Variants in ITPR1 observed in about 807,000 individuals in gnomAD.
The protein encoded by ITPR1 is inositol 1,4,5-trisphosphate-gated calcium channel ITPR1.
ITPR1 carries 96 observed loss-of-function variants against 318.4 expected under a neutral mutation model. That is an observed-to-expected ratio of 0.30 (90% CI 0.26 to 0.36). ITPR1 has a LOEUF of 0.36. ITPR1 is among the 10% of genes least tolerant of loss of function. ITPR1 has a pLI of 1.00. For missense variants in ITPR1, 2,440 were observed against 3,460.2 expected, an observed-to-expected ratio of 0.71 and a Z score of 7.40; for synonymous variants, 1,312 against 1,289.9, an observed-to-expected ratio of 1.02 and a Z score of -0.37.
At chr3:4,537,708 TGCAAAAGTCAAGAAA>T (rs2084010330) in intron 4 of ITPR1, among the ~76,000 whole-genome samples, 2 of 149,636 alleles carry the variant, frequency 1.3e-5, no homozygotes, top group African/African-American at 5.0e-5. Flanking sequence ...TGCAGGAAGC[TGCAAAAGTCAAGAAA>T]ATTGATTCTC....
At chr3:4,698,273 A>T (rs892403841) in intron 34 of ITPR1, among the ~76,000 whole-genome samples, 6 of 136,446 alleles carry the variant, frequency 4.4e-5, no homozygotes, top group Non-Finnish European at 7.7e-5. Flanking sequence ...TTTCTGCTTG[A>T]CTGTATGATT....
At chr3:4,640,991 T>A (rs2093325005) in intron 6 of ITPR1, among the ~76,000 whole-genome samples, 1 of 152,184 alleles carries the variant, frequency 6.6e-6, no homozygotes, top group Non-Finnish European at 1.5e-5. Flanking sequence ...GGCTTATGGA[T>A]CAGACAGGTT....
At chr3:4,730,735 T>A (rs2042871704) in intron 42 of ITPR1, among the ~76,000 whole-genome samples, 2 of 152,124 alleles carry the variant, frequency 1.3e-5, no homozygotes, top group South Asian at 4.1e-4. Context: ...TCTAAGCAAG[T>A]CACTCTAGCT....
At chr3:4,601,030 C>G (rs1000665583) in intron 4 of ITPR1, among the ~76,000 whole-genome samples, 12 of 151,820 alleles carry the variant, frequency 7.9e-5, no homozygotes, top group African/African-American at 2.7e-4. Flanking sequence ...GAATTCTGTT[C>G]TTCTTTTGTT....
intron 2 of ITPR1, among the ~76,000 whole-genome samples, chr3:4,509,232 G>C (rs1397556052): frequency 6.6e-6 from 1 of 152,128 alleles, no homozygotes; most frequent in Non-Finnish European, 1.5e-5. Flanking sequence ...ACACACAGCT[G>C]GTAATTTATG....
At chr3:4,705,528 G>C (rs936880553) in intron 36 of ITPR1, among the ~76,000 whole-genome samples, 1 of 152,148 alleles carries the variant, frequency 6.6e-6, no homozygotes, top group African/African-American at 2.4e-5. Context: ...GTCTCTTCTG[G>C]TCTGTGACCA....
At position 4,652,253 on chromosome 3, in the gene ITPR1, G is replaced by C. The variant is rs6442895; in HGVS notation, c.951+35G>C. Reference sequence around the variant, plus strand: ...AGCTCCTGTGGTTTTCTCTTTCAAGGCTGACGCACCTCACCGCCTTTCCTC... The same window carrying C: ...AGCTCCTGTGGTTTTCTCTTTCAAGCCTGACGCACCTCACCGCCTTTCCTC... On this transcript the variant is annotated intron_variant, in intron 11 of 61. Transcript: ENST00000649015. 1,263,344 of 1,498,604 alleles carry C rather than the reference G, an allele frequency of 0.84. 536,647 individuals carry two copies. Among genetic ancestry groups the C allele is most frequent in the East Asian group, 1 (43,409 of 43,426 alleles). The allele number at this position is 1,498,604 out of a possible 1,614,324, so 92.8% of individuals were successfully genotyped here.
intron 4 of ITPR1, among the ~76,000 whole-genome samples, chr3:4,545,653 C>A (rs1394137951): frequency 7.0e-6 from 1 of 142,046 alleles, no homozygotes. Context: ...GCTTTGGAAG[C>A]ATCTTTTTTT....
At chr3:4,527,224 T>A (rs2083055889) in intron 4 of ITPR1, among the ~76,000 whole-genome samples, 1 of 152,222 alleles carries the variant, frequency 6.6e-6, no homozygotes, top group Non-Finnish European at 1.5e-5. Context: ...TTGCCCAGGC[T>A]GGATTGCAAT....
rs1364838013 is a variant in ITPR1, at chr3:4,642,224, C to G, written c.498C>G (p.Phe166Leu). ...GGTCCTGGTTTTATATTCAGCCATTCTACAAGCTGCGATCCATTGGAGACA... is the reference window on the plus strand; with the variant it reads ...GGTCCTGGTTTTATATTCAGCCATTGTACAAGCTGCGATCCATTGGAGACA... ...NEGSWFYIQP[F>L]YKLRSIGDSV... Residue 166 changes from phenylalanine (F) to leucine (L), a missense_variant, in exon 7 of 62, where the codon TTC becomes TTG. By Grantham distance (22) the Phe-to-Leu change is conservative. Around this residue, in one of 23 missense-constraint regions of ITPR1, gnomAD observed 186 missense variants for 323.9 expected, o/e 0.57. Coordinates refer to ENST00000649015, the MANE Select transcript of ITPR1 (RefSeq NM_001378452.1). The G allele has an allele frequency of 6.3e-7, 1 of 1,584,138 alleles. No homozygotes were observed. Among genetic ancestry groups the G allele is most frequent in the Non-Finnish European group, 8.6e-7 (1 of 1,168,742 alleles).
Position 4,830,122 on chromosome 3 carries a change from T to C in ITPR1, c.8029-6652T>C, listed in dbSNP as rs191232492. Among the ~76,000 whole-genome samples the C allele has an allele frequency of 2.6e-5, 4 of 151,982 alleles. No individual in the cohort carries two copies. The East Asian group carries it at 5.8e-4, about 22-fold the overall frequency. ...CTGGGTAGCTGGGATTACAGGCACA[T>C]GCCACCATGCCCAGCTAATTTTTTT... On this transcript the variant is annotated intron_variant, in intron 60 of 61. Coordinates refer to ENST00000649015, the MANE Select transcript of ITPR1 (RefSeq NM_001378452.1).
chr3:4,645,525 G>A (rs371422672), intron 9 of ITPR1, 55 bp downstream of exon 9: 1 of 1,607,756 alleles, frequency 6.2e-7, no homozygotes, highest in Non-Finnish European at 8.5e-7. Flanking sequence ...GGGGGCAGCA[G>A]TCTAATTCTC....
chr3:4,598,201 C>T lies in ITPR1; in HGVS notation c.164-29562C>T, dbSNP rs115406937. Among the ~76,000 whole-genome samples, 572 of 152,346 alleles carry T rather than the reference C, an allele frequency of 3.8e-3. 7 individuals are homozygous for T. The highest frequency in any genetic ancestry group is 0.013 in the African/African-American group (551 of 41,586). On this transcript the variant is annotated intron_variant, in intron 4 of 61. Coordinates refer to ENST00000649015, the MANE Select transcript of ITPR1 (RefSeq NM_001378452.1). ...AAAGGAAGCAAATCCTCCTCTGTGA[C>T]CTGTCATTGGCTTCTGTGCATGTCA...
chr3:4,707,943 G>T (rs986435162), intron 37 of ITPR1, among the ~76,000 whole-genome samples: 12 of 152,148 alleles, frequency 7.9e-5, no homozygotes, highest in Admixed American at 3.9e-4. Context: ...TTGTCTCATA[G>T]TATCTCAAGT....
At chr3:4,635,349 T>C (rs1420306109) in intron 5 of ITPR1, among the ~76,000 whole-genome samples, 1 of 152,038 alleles carries the variant, frequency 6.6e-6, no homozygotes, top group Non-Finnish European at 1.5e-5. Flanking sequence ...ATCTTTCTTT[T>C]TTTGTGGTGG....
intron 51 of ITPR1, among the ~76,000 whole-genome samples, chr3:4,784,726 CAAAAAAAAA>C (rs34856837): frequency 5.5e-5 from 6 of 109,482 alleles, no homozygotes; most frequent in East Asian, 2.8e-4. Flanking sequence ...ACTAAAAATA[CAAAAAAAAA>C]AAAAAAAAAA....
rs148952012 is a variant in ITPR1 at position 4,524,767 on chromosome 3, A to G, written c.163+3673A>G. On this transcript the variant is annotated intron_variant, in intron 4 of 61. Transcript: ENST00000649015. Reference sequence around the variant, plus strand: ...CCTGAGATCTGCAGCCCTAATGGTTAATAAAAGAGGCTCTTGGATCAGGCT... The same window carrying G: ...CCTGAGATCTGCAGCCCTAATGGTTGATAAAAGAGGCTCTTGGATCAGGCT... Among the ~76,000 whole-genome samples, 937 of 152,308 alleles carry G rather than the reference A, an allele frequency of 6.2e-3. 7 individuals are homozygous for G. The highest frequency in any genetic ancestry group is 0.022 in the African/African-American group (907 of 41,570).
At chr3:4,742,154 G>T (rs931807905) in intron 44 of ITPR1, among the ~76,000 whole-genome samples, 2 of 152,166 alleles carry the variant, frequency 1.3e-5, no homozygotes, top group African/African-American at 4.8e-5. Context: ...CCCCTGGAAG[G>T]AGAGAGCCTA....
At chr3:4,697,963 G>C (rs1400765600) in intron 34 of ITPR1, among the ~76,000 whole-genome samples, 1 of 152,112 alleles carries the variant, frequency 6.6e-6, no homozygotes, top group Non-Finnish European at 1.5e-5. Context: ...TTTGTCTCCT[G>C]CAATCTGAAC....
Sources: gnomAD v4.1 joint callset for allele counts (sites outside exome capture counted in the v4.1 genomes callset) on GRCh38, gnomAD v4.1.1 for gene constraint, gnomAD v4.1.1 regional missense constraint, MANE v1.5 for transcripts, NCBI Gene and HGNC (gene_info 2026-07-23, HGNC 2026-07-21) for gene names.